DNAH7: variants seen among roughly 807,000 people sequenced by gnomAD.
DNAH7 encodes the protein axonemal beta dynein heavy chain 7.
Under a neutral mutation model 444.6 loss-of-function variants are expected in DNAH7, and 397 were observed. The observed-to-expected ratio is 0.89, with a 90% CI of 0.82 to 0.97. The LOEUF is 0.97. Among genes scored for constraint, DNAH7 ranks in the 50% least tolerant of loss-of-function variants. DNAH7 has a pLI of 0.00. For synonymous variants in DNAH7, 1,636 were observed against 1,624.4 expected (o/e 1.01, Z -0.17); for missense variants, 4,902 against 4,800.8 (o/e 1.02, Z -0.62).
chr2:195,755,678 T>C (rs371705519), intron 62 of DNAH7, among the ~76,000 whole-genome samples: 14 of 152,178 alleles, frequency 9.2e-5, no homozygotes, highest in African/African-American at 3.4e-4. Flanking sequence ...AATAAGAACA[T>C]AGTTAAGCAC....
At position 195,737,951 on chromosome 2, in the gene DNAH7, A is replaced by T; in HGVS notation, c.12045T>A (p.Gly4015=). The T allele has an allele frequency of 6.2e-7, 1 of 1,614,080 alleles. No individual in the cohort carries two copies. The highest frequency in any genetic ancestry group is 8.5e-7 in the Non-Finnish European group (1 of 1,179,932). The change falls in exon 65 of 65, where the codon GGT becomes GGA. Residue 4015 remains glycine (G), a synonymous_variant. Coordinates refer to ENST00000312428, the MANE Select transcript of DNAH7 (RefSeq NM_018897.3). ...DQPKEHWIGR[G]VALLCQLNS is the part of the protein sequence containing the mutation. ...AATTAAGTTGACATAACAGTGCTACACCTCGTCCAATCCAGTGTTCCTTGG... is the reference window on the plus strand; with the variant it reads ...AATTAAGTTGACATAACAGTGCTACTCCTCGTCCAATCCAGTGTTCCTTGG...
At chr2:195,883,261 C>G (rs1424761150) in intron 35 of DNAH7, among the ~76,000 whole-genome samples, 5 of 152,122 alleles carry the variant, frequency 3.3e-5, no homozygotes, top group Non-Finnish European at 7.4e-5. Flanking sequence ...TCCTGGCTAA[C>G]ACGGTGAAAC....
chr2:195,888,964 C>T lies in DNAH7; in HGVS notation c.5064G>A (p.Trp1688Ter). The T allele has an allele frequency of 6.2e-7, 1 of 1,612,774 alleles. No homozygotes were observed. The highest frequency in any genetic ancestry group is 8.5e-7 in the Non-Finnish European group (1 of 1,179,618). ...CATCTACTGGGCCATCAAAAATTAA[C>T]CATTTCCTATCTGGAGTCTGTTTCA... ...FASSVTPDRK[W>*]LIFDGPVDAV... Residue 1688 changes from tryptophan to a stop codon, truncating the protein, a stop_gained, in exon 32 of 65, where the codon TGG becomes TGA. Coordinates refer to ENST00000312428, the MANE Select transcript of DNAH7 (RefSeq NM_018897.3). LOFTEE classifies it high-confidence loss of function.
Position 195,926,543 on chromosome 2 carries a change from G to C in DNAH7, c.3495C>G (p.Ala1165=). 6.3e-7 allele frequency: 1 copy of C among 1,598,098 alleles called. No individual in the cohort carries two copies. Among genetic ancestry groups the C allele is most frequent in the Non-Finnish European group, 8.5e-7 (1 of 1,173,840 alleles). Residue 1165 remains alanine (A), a synonymous_variant, in exon 22 of 65, where the codon GCC becomes GCG. Transcript: ENST00000312428. ...AGTTAATTCGTTCATATTTTGTATA[G>C]GCAAAAGTTGCATCTCCAGTTACCT... is the stretch of plus-strand genomic sequence containing the variant. ...IHKVTGDATF[A]YTKYERINWV... is the part of the protein sequence containing the mutation.
intron 17 of DNAH7, among the ~76,000 whole-genome samples, chr2:195,965,216 T>G (rs1287375051): frequency 6.6e-6 from 1 of 152,204 alleles, no homozygotes; most frequent in African/African-American, 2.4e-5. Flanking sequence ...TCAGCACCAA[T>G]TGAAATGATC....
chr2:195,777,428 C>T (rs1027345694), intron 59 of DNAH7, among the ~76,000 whole-genome samples: 2 of 152,210 alleles, frequency 1.3e-5, no homozygotes, highest in African/African-American at 4.8e-5. Flanking sequence ...TTACTTGCAA[C>T]TGACTTCCAA....
intron 16 of DNAH7, 106 bp downstream of exon 16, chr2:195,972,132 TGAGA>T: frequency 1.2e-6 from 1 of 817,000 alleles, no homozygotes; most frequent in Non-Finnish European, 1.9e-6. Context: ...CATTATAGTA[TGAGA>T]AAGCTAAAAA....
At chr2:195,963,135 G>A (rs539739364) in intron 17 of DNAH7, among the ~76,000 whole-genome samples, 6 of 152,258 alleles carry the variant, frequency 3.9e-5, no homozygotes, top group African/African-American at 4.8e-5. Context: ...TACCAGCAGC[G>A]GGACTGCTGG....
Position 195,983,368 on chromosome 2 carries a change from C to G in DNAH7, c.1833+1264G>C, listed in dbSNP as rs564284409. Among the ~76,000 whole-genome samples the G allele has an allele frequency of 7.7e-4, 117 of 152,168 alleles. 1 individual carries two copies. Among genetic ancestry groups the G allele is most frequent in the Non-Finnish European group, 1.3e-3 (86 of 68,018 alleles). ...TTGGCTGACAGTTCTGCTAGCTGTACAAGAAGCATGGTGCCAGCATCTGCT... is the reference window on the plus strand; with the variant it reads ...TTGGCTGACAGTTCTGCTAGCTGTAGAAGAAGCATGGTGCCAGCATCTGCT... On this transcript the variant is annotated intron_variant, in intron 15 of 64. Coordinates refer to ENST00000312428, the MANE Select transcript of DNAH7 (RefSeq NM_018897.3).
chr2:196,042,012 A>G (rs1014727113), intron 5 of DNAH7, among the ~76,000 whole-genome samples: 4 of 152,062 alleles, frequency 2.6e-5, no homozygotes, highest in African/African-American at 9.7e-5. Flanking sequence ...CCACAATGAG[A>G]TATTATTTTA....
chr2:196,058,816 G>A (rs1391230325), intron 1 of DNAH7, among the ~76,000 whole-genome samples: 1 of 152,106 alleles, frequency 6.6e-6, no homozygotes, highest in Non-Finnish European at 1.5e-5. Flanking sequence ...TTCCCTTCTT[G>A]TAGAAATTAA....
intron 17 of DNAH7, among the ~76,000 whole-genome samples, chr2:195,965,904 A>G (rs897945619): frequency 2.0e-5 from 3 of 151,022 alleles, no homozygotes; most frequent in Non-Finnish European, 4.5e-5. Flanking sequence ...ATTTTTTCAA[A>G]AACTTTTCAT....
At chr2:195,803,010 G>T (rs1222479583) in intron 54 of DNAH7, among the ~76,000 whole-genome samples, 1 of 152,160 alleles carries the variant, frequency 6.6e-6, no homozygotes, top group Non-Finnish European at 1.5e-5. Context: ...CAGATATTTT[G>T]AATGGTCACA....
chr2:195,926,365 T>C (rs1688333303), intron 22 of DNAH7, 61 bp downstream of exon 22: 1 of 1,333,150 alleles, frequency 7.5e-7, no homozygotes. Flanking sequence ...AATAAGTGTA[T>C]TCTGGCAATA....
intron 10 of DNAH7, among the ~76,000 whole-genome samples, chr2:196,004,047 C>T (rs1235811624): frequency 1.3e-5 from 2 of 152,182 alleles, no homozygotes; most frequent in Non-Finnish European, 2.9e-5. Context: ...ACTATTTCTA[C>T]AGGCATGATC....
intron 2 of DNAH7, among the ~76,000 whole-genome samples, chr2:196,053,963 G>A (rs1175140102): frequency 5.9e-5 from 9 of 152,156 alleles, no homozygotes. Context: ...CACTGGCATA[G>A]CTATAAGATG....
intron 47 of DNAH7, among the ~76,000 whole-genome samples, chr2:195,835,764 A>C (rs927353112): frequency 3.9e-5 from 6 of 152,180 alleles, no homozygotes; most frequent in Admixed American, 3.3e-4. Flanking sequence ...GAATTGTTTG[A>C]ACCAGGGAGC....
intron 3 of DNAH7, among the ~76,000 whole-genome samples, chr2:196,050,330 A>G (rs1697385061): frequency 6.6e-6 from 1 of 152,026 alleles, no homozygotes; most frequent in East Asian, 1.9e-4. Context: ...GTGGTTTGCC[A>G]GGAGGTGGGG....
At position 195,884,956 on chromosome 2, in the gene DNAH7, T is replaced by C. The variant is rs533148519; in HGVS notation, c.5539-147A>G. On this transcript the variant is annotated intron_variant, in intron 34 of 64. Coordinates refer to ENST00000312428, the MANE Select transcript of DNAH7 (RefSeq NM_018897.3). The stretch of plus-strand genomic sequence containing the variant: ...ATTAGTAGGTCATCTCAGGATTTTG[T>C]AATCATAAGGGTTTTTAAAAATCAA... 186 of 632,644 alleles carry C rather than the reference T, an allele frequency of 2.9e-4. No homozygotes were observed. The African/African-American group carries it at 3.2e-3, about 11-fold the overall frequency. 39.2% of individuals were successfully genotyped at this position (632,644 alleles called of 1,614,324 possible). A position where few individuals can be genotyped will look rare whatever the true frequency, so the allele number is the denominator to read the frequency against.
Sources: gnomAD v4.1 joint callset for allele counts (sites outside exome capture counted in the v4.1 genomes callset) on GRCh38, gnomAD v4.1.1 for gene constraint, MANE v1.5 for transcripts, NCBI Gene and HGNC (gene_info 2026-07-23, HGNC 2026-07-21) for gene names.